GRIA1: variants seen among roughly 807,000 people sequenced by gnomAD.
The protein encoded by GRIA1 is glutamate receptor 1.
A neutral mutation model predicts 99.2 loss-of-function variants in GRIA1; 31 were observed. That is an observed-to-expected ratio of 0.31 (90% CI 0.23 to 0.42). GRIA1 has a LOEUF of 0.42. GRIA1 is among the 10% of genes least tolerant of loss of function. The pLI, the probability that GRIA1 is intolerant of heterozygous loss-of-function variation, is 1.00. For synonymous variants in GRIA1, 438 were observed against 432.4 expected (o/e 1.01, Z -0.16); for missense variants, 782 against 1,157.5 (o/e 0.68, Z 4.71).
chr5:153,528,190 A>G (rs1219128344), intron 2 of GRIA1, among the ~76,000 whole-genome samples: 1 of 152,132 alleles, frequency 6.6e-6, no homozygotes, highest in African/African-American at 2.4e-5. Context: ...ACATTATTTT[A>G]TGTTTCTCAA....
intron 2 of GRIA1, among the ~76,000 whole-genome samples, chr5:153,518,993 G>A (rs1417536528): frequency 7.9e-5 from 12 of 152,150 alleles, no homozygotes; most frequent in Admixed American, 4.6e-4. Flanking sequence ...GGCCAGGCAC[G>A]GTGGCTTACG....
chr5:153,612,122 T>C (rs1480586499), intron 2 of GRIA1, among the ~76,000 whole-genome samples: 1 of 152,222 alleles, frequency 6.6e-6, no homozygotes, highest in African/African-American at 2.4e-5. Context: ...TAAGGAATTA[T>C]TGCTAAATAT....
At chr5:153,523,738 C>A (rs955923980) in intron 2 of GRIA1, among the ~76,000 whole-genome samples, 3 of 152,114 alleles carry the variant, frequency 2.0e-5, no homozygotes, top group African/African-American at 2.4e-5. Context: ...GTTATAGTGA[C>A]CTACATATAG....
At chr5:153,518,047 T>C (rs1756792588) in intron 2 of GRIA1, among the ~76,000 whole-genome samples, 1 of 152,232 alleles carries the variant, frequency 6.6e-6, no homozygotes, top group Non-Finnish European at 1.5e-5. Flanking sequence ...CTGTTCCCTT[T>C]GCCTGGGATG....
At chr5:153,617,089 G>A (rs1233291885) in intron 2 of GRIA1, among the ~76,000 whole-genome samples, 1 of 152,126 alleles carries the variant, frequency 6.6e-6, no homozygotes, top group Non-Finnish European at 1.5e-5. Context: ...CTGAGTAAAA[G>A]TACAGAACTA....
At chr5:153,584,000 G>A (rs1763258556) in intron 2 of GRIA1, among the ~76,000 whole-genome samples, 1 of 152,138 alleles carries the variant, frequency 6.6e-6, no homozygotes, top group Non-Finnish European at 1.5e-5. Context: ...TATTTCCAGT[G>A]GTCCATGTCT....
chr5:153,607,796 ATTG>A (rs924251229), intron 2 of GRIA1, among the ~76,000 whole-genome samples: 1 of 151,984 alleles, frequency 6.6e-6, no homozygotes, highest in African/African-American at 2.4e-5. Flanking sequence ...ATATGGTATT[ATTG>A]TTGTTGCTGC....
intron 2 of GRIA1, among the ~76,000 whole-genome samples, chr5:153,511,415 C>T (rs999125985): frequency 6.6e-6 from 1 of 152,124 alleles, no homozygotes; most frequent in African/African-American, 2.4e-5. Context: ...GATTTTAGTA[C>T]GTTAATAAAG....
intron 11 of GRIA1, among the ~76,000 whole-genome samples, chr5:153,715,881 C>A (rs566965672): frequency 7.2e-5 from 11 of 152,100 alleles, no homozygotes; most frequent in Non-Finnish European, 1.6e-4. Flanking sequence ...TTCATTTAAT[C>A]AAGAGAAAAT....
chr5:153,762,002 C>T (rs1306014465), intron 11 of GRIA1, among the ~76,000 whole-genome samples: 1 of 152,076 alleles, frequency 6.6e-6, no homozygotes, highest in Non-Finnish European at 1.5e-5. Context: ...ACAGTGGTTC[C>T]AGAGGCTGGG....
At chr5:153,771,876 T>A in intron 13 of GRIA1, among the ~76,000 whole-genome samples, 1 of 148,136 alleles carries the variant, frequency 6.8e-6, no homozygotes, top group South Asian at 2.1e-4. Context: ...CATAAGGTAA[T>A]CAAAAACATC....
At chr5:153,790,759 A>T (rs1765244972) in intron 13 of GRIA1, among the ~76,000 whole-genome samples, 1 of 152,106 alleles carries the variant, frequency 6.6e-6, no homozygotes, top group South Asian at 2.1e-4. Flanking sequence ...TGAAGTTAAC[A>T]TTTAACACAC....
At chr5:153,542,660 G>T (rs941676755) in intron 2 of GRIA1, among the ~76,000 whole-genome samples, 1 of 152,216 alleles carries the variant, frequency 6.6e-6, no homozygotes, top group Non-Finnish European at 1.5e-5. Context: ...CAATCACAGA[G>T]TCTAGTCTTT....
chr5:153,578,627 G>A (rs1289807831), intron 2 of GRIA1, among the ~76,000 whole-genome samples: 6 of 152,180 alleles, frequency 3.9e-5, no homozygotes, highest in Admixed American at 2.0e-4. Context: ...TGGTCCAGTC[G>A]GCTGGCCGCG....
At chr5:153,745,146 T>C (rs1762057542) in intron 11 of GRIA1, among the ~76,000 whole-genome samples, 1 of 152,196 alleles carries the variant, frequency 6.6e-6, no homozygotes, top group Non-Finnish European at 1.5e-5. Context: ...TTCCTCTAGA[T>C]TTTTCTCACG....
At chr5:153,716,529 G>A (rs1054134955) in intron 11 of GRIA1, among the ~76,000 whole-genome samples, 1 of 152,046 alleles carries the variant, frequency 6.6e-6, no homozygotes, top group African/African-American at 2.4e-5. Context: ...GTCTTTAAGA[G>A]CCATCTCCTG....
At chr5:153,508,899 G>A (rs10477080) in intron 2 of GRIA1, among the ~76,000 whole-genome samples, 10,336 of 152,180 alleles carry the variant, frequency 0.068, 1,137 homozygotes, top group African/African-American at 0.23. Flanking sequence ...AGGTCTGCCC[G>A]ATGTGTCTTT....
intron 5 of GRIA1, among the ~76,000 whole-genome samples, chr5:153,659,626 T>C (rs1581419668): frequency 6.6e-6 from 1 of 152,204 alleles, no homozygotes; most frequent in Non-Finnish European, 1.5e-5. Flanking sequence ...ACCTCTGTAG[T>C]GTTTCTGTAG....
chr5:153,702,213 G>A (rs1758579137), intron 10 of GRIA1, among the ~76,000 whole-genome samples: 1 of 152,232 alleles, frequency 6.6e-6, no homozygotes, highest in Non-Finnish European at 1.5e-5. Context: ...GTCTGCATTT[G>A]CAGATGCCAT....
Sources: gnomAD v4.1 joint callset for allele counts (sites outside exome capture counted in the v4.1 genomes callset) on GRCh38, gnomAD v4.1.1 for gene constraint, MANE v1.5 for transcripts, NCBI Gene and HGNC (gene_info 2026-07-23, HGNC 2026-07-21) for gene names.